LYN: variants seen among roughly 807,000 people sequenced by gnomAD.
The protein encoded by LYN is tyrosine-protein kinase Lyn.
A neutral mutation model predicts 65.0 loss-of-function variants in LYN; 12 were observed. The ratio of observed to expected loss-of-function variants is 0.18; its 90% CI spans 0.12 to 0.30. The LOEUF (loss-of-function observed/expected upper bound fraction) is 0.30, where lower values mean the gene tolerates loss of function less well. Ranked by LOEUF, LYN falls within the 10% of genes least tolerant of loss-of-function variation. LYN has a pLI of 1.00. For missense variants in LYN, 380 were observed against 623.2 expected (o/e 0.61, Z 4.16); for synonymous variants, 222 against 221.2 (o/e 1.00, Z -0.03).
chr8:55,903,272 C>T lies in LYN; in HGVS notation c.-6+23169C>T, dbSNP rs541829048. On this transcript the variant is annotated intron_variant, in intron 1 of 12. Coordinates refer to ENST00000519728, the MANE Select transcript of LYN (RefSeq NM_002350.4). ...CCTCCCAAAGTGCTGGGATTACAGG[C>T]GTGAGCCACCGTGCTGGGCCTTGTA... Among the ~76,000 whole-genome samples the T allele has an allele frequency of 1.2e-4, 18 of 152,282 alleles. No homozygotes were observed. The East Asian group carries it at 3.1e-3, about 26-fold the overall frequency.
At chr8:55,902,478 C>G (rs746010698) in intron 1 of LYN, among the ~76,000 whole-genome samples, 1 of 151,772 alleles carries the variant, frequency 6.6e-6, no homozygotes, top group African/African-American at 2.4e-5. Flanking sequence ...CAGGTGCGCT[C>G]CACAACGCCC....
chr8:55,948,670 C>A (rs1806852958), intron 4 of LYN, among the ~76,000 whole-genome samples: 1 of 152,234 alleles, frequency 6.6e-6, no homozygotes, highest in Admixed American at 6.5e-5. Context: ...GAGGGGGAGA[C>A]TCCCTTATTA....
intron 1 of LYN, chr8:55,902,664 T>C: frequency 2.5e-6 from 1 of 396,942 alleles, no homozygotes; most frequent in Non-Finnish European, 4.9e-6. Context: ...CCTTATTACT[T>C]AAATGTTATT....
intron 1 of LYN, among the ~76,000 whole-genome samples, chr8:55,920,543 T>C (rs56020575): frequency 0.038 from 5,777 of 152,306 alleles, 118 homozygotes; most frequent in African/African-American, 0.056. Context: ...GACTGTTATC[T>C]ACCCTTCACA....
At chr8:55,886,493 C>T (rs921120941) in intron 1 of LYN, among the ~76,000 whole-genome samples, 1 of 152,222 alleles carries the variant, frequency 6.6e-6, no homozygotes, top group African/African-American at 2.4e-5. Context: ...GGTGATCTGC[C>T]TGCCTCGGCC....
chr8:55,967,291 C>A (rs1272209485), intron 9 of LYN, among the ~76,000 whole-genome samples: 2 of 149,710 alleles, frequency 1.3e-5, no homozygotes, highest in Non-Finnish European at 3.0e-5. Context: ...TTGTTCAGTA[C>A]CAAATTCCTC....
At chr8:55,944,045 C>T (rs149972774) in intron 2 of LYN, among the ~76,000 whole-genome samples, 4,456 of 151,960 alleles carry the variant, frequency 0.029, 220 homozygotes, top group African/African-American at 0.1. Context: ...GCCGAGATCA[C>T]GCCACTGCAC....
chr8:55,913,511 A>G (rs1805698933), intron 1 of LYN, among the ~76,000 whole-genome samples: 1 of 152,208 alleles, frequency 6.6e-6, no homozygotes, highest in Non-Finnish European at 1.5e-5. Context: ...TGCTTGCTGA[A>G]TTTCAACTAC....
intron 1 of LYN, chr8:55,902,719 G>A: frequency 1.0e-5 from 5 of 484,468 alleles, no homozygotes; most frequent in Non-Finnish European, 2.0e-5. Context: ...TCATAAGCAT[G>A]GCAAAATGTT....
At position 55,957,654 on chromosome 8, in the gene LYN, A is replaced by T. The variant is rs1051587002; in HGVS notation, c.790+3670A>T. On this transcript the variant is annotated intron_variant, in intron 8 of 12. Transcript: ENST00000519728. The stretch of plus-strand genomic sequence containing the variant: ...TTAGTAACACTGTTTTTAAAGATGC[A>T]GTTGTTGGCAGGGCACGGTGGCTCA... Among the ~76,000 whole-genome samples, 3 of 152,192 alleles carry T rather than the reference A, an allele frequency of 2.0e-5. No homozygotes were observed. In the South Asian group the frequency reaches 6.2e-4, roughly 31 times the overall value.
chr8:56,003,935 T>A (rs1205706662), intron 12 of LYN, among the ~76,000 whole-genome samples: 1 of 144,046 alleles, frequency 6.9e-6, no homozygotes, highest in African/African-American at 2.5e-5. Flanking sequence ...ATTCTTTTTT[T>A]TTTTTTTTTT....
chr8:55,970,195 T>C (rs1448288889), intron 10 of LYN, among the ~76,000 whole-genome samples: 1 of 152,256 alleles, frequency 6.6e-6, no homozygotes, highest in Admixed American at 6.5e-5. Flanking sequence ...TTTTAAGTCC[T>C]CTGTATTCTT....
intron 12 of LYN, among the ~76,000 whole-genome samples, chr8:56,003,060 T>TG (rs1232090657): frequency 1.3e-5 from 2 of 151,026 alleles, no homozygotes; most frequent in African/African-American, 4.9e-5. Context: ...TTTTTGTTTT[T>TG]TGTTTTTTTT....
intron 12 of LYN, 65 bp downstream of exon 12, chr8:55,999,614 G>A (rs1808461916): frequency 1.4e-6 from 2 of 1,475,274 alleles, no homozygotes. Flanking sequence ...TTGCATGAAG[G>A]CATTAAAAAG....
intron 1 of LYN, among the ~76,000 whole-genome samples, chr8:55,903,462 A>G (rs1282103763): frequency 2.0e-5 from 3 of 152,262 alleles, no homozygotes; most frequent in Non-Finnish European, 4.4e-5. Context: ...ATAAACTTCA[A>G]CAAGAGACTA....
chr8:55,980,222 CT>C (rs374656861), intron 10 of LYN: 18 of 151,570 alleles, frequency 1.2e-4, no homozygotes, highest in African/African-American at 2.7e-4. Context: ...GCAGTTGCTG[CT>C]TTTTTTTTGT....
intron 12 of LYN, among the ~76,000 whole-genome samples, chr8:56,008,336 C>T (rs1215222504): frequency 6.6e-6 from 1 of 152,058 alleles, no homozygotes; most frequent in Admixed American, 6.5e-5. Context: ...TTCCAGTGAC[C>T]AGTGATGGTA....
intron 1 of LYN, among the ~76,000 whole-genome samples, chr8:55,904,075 C>T (rs1585579672): frequency 6.6e-6 from 1 of 151,940 alleles, no homozygotes; most frequent in East Asian, 1.9e-4. Context: ...TACTTTATCA[C>T]TTGTAAAAAA....
chr8:55,921,545 G>A (rs1424854534), intron 1 of LYN, among the ~76,000 whole-genome samples: 3 of 152,240 alleles, frequency 2.0e-5, no homozygotes, highest in African/African-American at 7.2e-5. Flanking sequence ...GGAGAAGGAT[G>A]TGGGCTGCTG....
Sources: allele counts gnomAD v4.1 joint callset (sites outside exome capture counted in the v4.1 genomes callset), GRCh38; gene constraint gnomAD v4.1.1; transcripts MANE v1.5; gene names NCBI Gene and HGNC (gene_info 2026-07-23, HGNC 2026-07-21).